The following ZFYVE9 variants were observed in gnomAD, a reference collection of about 807,000 sequenced individuals.
The protein encoded by ZFYVE9 is zinc finger FYVE domain-containing protein 9.
A neutral mutation model predicts 126.7 loss-of-function variants in ZFYVE9; 43 were observed. The observed-to-expected ratio is 0.34, with a 90% CI of 0.27 to 0.44. The LOEUF is 0.44. ZFYVE9 is among the 20% of genes least tolerant of loss of function. The probability of loss-of-function intolerance (pLI) is 1.00; values close to 1 mark genes in which losing one functional copy is unlikely to be tolerated. For missense variants in ZFYVE9, 1,476 were observed against 1,697.0 expected (o/e 0.87, Z 2.29); for synonymous variants, 521 against 597.4 (o/e 0.87, Z 1.87).
intron 1 of ZFYVE9, among the ~76,000 whole-genome samples, chr1:52,168,251 C>T (rs1466628505): frequency 7.8e-6 from 1 of 127,676 alleles, no homozygotes; most frequent in East Asian, 2.4e-4. Context: ...GAGTCTCGCT[C>T]TGTCATCCAG....
At chr1:52,193,566 G>A (rs1467987501) in intron 1 of ZFYVE9, among the ~76,000 whole-genome samples, 1 of 151,626 alleles carries the variant, frequency 6.6e-6, no homozygotes, top group African/African-American at 2.4e-5. Context: ...AATTAGCTGG[G>A]CATGGTTGCA....
At chr1:52,325,089 CT>C (rs1217310103) in intron 13 of ZFYVE9, among the ~76,000 whole-genome samples, 2 of 152,182 alleles carry the variant, frequency 1.3e-5, no homozygotes, top group Non-Finnish European at 2.9e-5. Flanking sequence ...ACCATCCTGG[CT>C]AACATGGTGA....
rs1301248905 is a variant in ZFYVE9 at position 52,188,200 on chromosome 1, G to A, written c.-142-28169G>A. Among the ~76,000 whole-genome samples the A allele has an allele frequency of 3.5e-5, 5 of 142,258 alleles. No individual in the cohort carries two copies. The East Asian group carries it at 6.3e-4, about 18-fold the overall frequency. The allele number at this position is 142,258 out of a possible 152,430, so 93.3% of individuals were successfully genotyped here. A position where few individuals can be genotyped will look rare whatever the true frequency, so the allele number is the denominator to read the frequency against. ...AGGAACACGGATGGAGCTGGAGGCC[G>A]TTGTACTTAGGAAACTAATGCAGGA... On this transcript the variant is annotated intron_variant, in intron 1 of 18. Transcript: ENST00000287727.
At position 52,178,055 on chromosome 1, in the gene ZFYVE9, A is replaced by G. The variant is rs139049573; in HGVS notation, c.-143+35652A>G. On this transcript the variant is annotated intron_variant, in intron 1 of 18. Transcript: ENST00000287727. ...AGCACTTTGGGAGGCCGAGGCGGGT[A>G]GATCACGAAGTCAGGAGATCGAGAC... 1.4e-3 allele frequency among the ~76,000 whole-genome samples: 206 copies of G among 151,422 alleles called. 7 individuals carry two copies. In the East Asian group the frequency reaches 0.033, roughly 24 times the overall value.
intron 2 of ZFYVE9, among the ~76,000 whole-genome samples, chr1:52,224,994 T>G (rs189539870): frequency 1.7e-4 from 26 of 152,248 alleles, no homozygotes; most frequent in Admixed American, 1.1e-3. Flanking sequence ...ATCCCCTGAC[T>G]GGAAAACTGC....
chr1:52,205,215 C>T lies in ZFYVE9; in HGVS notation c.-142-11154C>T, dbSNP rs577451013. On this transcript the variant is annotated intron_variant, in intron 1 of 18. Transcript: ENST00000287727. ...TCAGTTCCCCAAGTAGCTGCGACTACAGCCGTGCACCACCACACCTGGCCT... is the reference window on the plus strand; with the variant it reads ...TCAGTTCCCCAAGTAGCTGCGACTATAGCCGTGCACCACCACACCTGGCCT... Among the ~76,000 whole-genome samples, 4 of 151,910 alleles carry T rather than the reference C, an allele frequency of 2.6e-5. No individual in the cohort carries two copies. The East Asian group carries it at 7.8e-4, about 30-fold the overall frequency.
intron 10 of ZFYVE9, among the ~76,000 whole-genome samples, chr1:52,287,282 T>G (rs972965880): frequency 1.3e-5 from 2 of 152,118 alleles, no homozygotes; most frequent in Admixed American, 6.5e-5. Context: ...TGGAATAATT[T>G]TTGTGTTTTT....
chr1:52,290,307 C>T (rs1031793877), intron 10 of ZFYVE9, among the ~76,000 whole-genome samples: 12 of 152,200 alleles, frequency 7.9e-5, no homozygotes, highest in Admixed American at 5.2e-4. Flanking sequence ...AACAAACCCA[C>T]TCCCAGGATA....
intron 4 of ZFYVE9, among the ~76,000 whole-genome samples, chr1:52,258,001 A>G (rs1451563830): frequency 6.6e-6 from 1 of 152,246 alleles, no homozygotes; most frequent in African/African-American, 2.4e-5. Flanking sequence ...TGCTGGGATT[A>G]CACACATGAG....
intron 1 of ZFYVE9, among the ~76,000 whole-genome samples, chr1:52,158,524 C>A (rs181029470): frequency 6.6e-6 from 1 of 152,276 alleles, no homozygotes; most frequent in East Asian, 1.9e-4. Context: ...GCCATCTATC[C>A]GTAACCTGTC....
chr1:52,145,118 C>T (rs1053883875), intron 1 of ZFYVE9, among the ~76,000 whole-genome samples: 5 of 152,198 alleles, frequency 3.3e-5, no homozygotes, highest in African/African-American at 9.7e-5. Flanking sequence ...TTCTGTGTCT[C>T]ATCTTGCCGT....
rs869107075 is a variant in ZFYVE9 at position 52,229,868 on chromosome 1, C to CT, written c.-36-3287dup. 7.7e-3 allele frequency among the ~76,000 whole-genome samples: 1,082 copies of CT among 140,604 alleles called. 6 individuals carry two copies. Among genetic ancestry groups the CT allele is most frequent in the African/African-American group, 0.014 (552 of 38,546 alleles). The allele number at this position is 140,604 out of a possible 152,430, so 92.2% of individuals were successfully genotyped here. On this transcript the variant is annotated intron_variant, in intron 2 of 18. Coordinates refer to ENST00000287727, the MANE Select transcript of ZFYVE9 (RefSeq NM_004799.4). ...CCAGGAAAGATTAGGCTCACAGACA[C>CT]TTTTTTTTTTTTTTTTGGAGACGGA...
At chr1:52,288,692 A>C (rs1367314250) in intron 10 of ZFYVE9, among the ~76,000 whole-genome samples, 1 of 152,176 alleles carries the variant, frequency 6.6e-6, no homozygotes, top group Non-Finnish European at 1.5e-5. Flanking sequence ...AAGCCGAGGC[A>C]GGCAGGCAGA....
intron 1 of ZFYVE9, among the ~76,000 whole-genome samples, chr1:52,152,032 C>A (rs1217726727): frequency 6.6e-6 from 1 of 152,086 alleles, no homozygotes; most frequent in Non-Finnish European, 1.5e-5. Context: ...TCTTGTTACC[C>A]AGGCTGGAGT....
chr1:52,156,595 C>T (rs1644405321), intron 1 of ZFYVE9, among the ~76,000 whole-genome samples: 1 of 152,204 alleles, frequency 6.6e-6, no homozygotes, highest in Non-Finnish European at 1.5e-5. Flanking sequence ...GCCAAGTATG[C>T]CAATCCCATT....
chr1:52,176,999 C>A (rs1269974783), intron 1 of ZFYVE9, among the ~76,000 whole-genome samples: 1 of 152,186 alleles, frequency 6.6e-6, no homozygotes, highest in Non-Finnish European at 1.5e-5. Context: ...GCTGCACCCA[C>A]TGTCCTGTGC....
At chr1:52,308,542 T>C (rs1208853704) in intron 13 of ZFYVE9, among the ~76,000 whole-genome samples, 1 of 152,156 alleles carries the variant, frequency 6.6e-6, no homozygotes, top group Non-Finnish European at 1.5e-5. Flanking sequence ...CATTCATTTT[T>C]TCCATTTATA....
chr1:52,204,213 A>G (rs1026231202), intron 1 of ZFYVE9, among the ~76,000 whole-genome samples: 18 of 152,024 alleles, frequency 1.2e-4, no homozygotes, highest in Admixed American at 5.9e-4. Context: ...GGAGCATTCT[A>G]TAGTTCTACG....
chr1:52,157,524 C>T (rs961426514), intron 1 of ZFYVE9, among the ~76,000 whole-genome samples: 14 of 151,058 alleles, frequency 9.3e-5, no homozygotes, highest in African/African-American at 3.4e-4. Flanking sequence ...GCCTCAGCCT[C>T]CCCAGCAGTT....
Sources: gnomAD v4.1 joint callset for allele counts (sites outside exome capture counted in the v4.1 genomes callset) on GRCh38, gnomAD v4.1.1 for gene constraint, MANE v1.5 for transcripts, NCBI Gene and HGNC (gene_info 2026-07-23, HGNC 2026-07-21) for gene names.